MYO16: variants seen among roughly 807,000 people sequenced by gnomAD.
MYO16 encodes myosin XVI.
Under a neutral mutation model 205.3 loss-of-function variants are expected in MYO16, and 94 were observed. That is an observed-to-expected ratio of 0.46 (90% confidence interval 0.39 to 0.54). MYO16 has a LOEUF of 0.54. Ranked by LOEUF, MYO16 falls within the 20% of genes least tolerant of loss-of-function variation. The pLI is 0.00. For missense variants in MYO16, 2,315 were observed against 2,387.5 expected (o/e 0.97, Z 0.63); for synonymous variants, 988 against 954.0 (o/e 1.04, Z -0.66).
chr13:108,570,877 G>A, the MYO16 span, among the ~76,000 whole-genome samples: 1 of 152,188 alleles, frequency 6.6e-6, no homozygotes, highest in African/African-American at 2.4e-5. Context: ...ATTAATGCTT[G>A]CCTTTGGGAT....
intron 32 of MYO16, among the ~76,000 whole-genome samples, chr13:109,154,000 A>C (rs1185667650): frequency 6.6e-6 from 1 of 152,228 alleles, no homozygotes; most frequent in Non-Finnish European, 1.5e-5. Flanking sequence ...GGGTCACGTG[A>C]GCACGTAAAG....
At chr13:108,957,409 A>C (rs896194729) in intron 16 of MYO16, among the ~76,000 whole-genome samples, 3 of 151,476 alleles carry the variant, frequency 2.0e-5, no homozygotes, top group Non-Finnish European at 4.4e-5. Context: ...AAACAAAAAC[A>C]TGAATCACTT....
intron 29 of MYO16, among the ~76,000 whole-genome samples, chr13:109,122,789 G>A (rs1876054740): frequency 6.6e-6 from 1 of 151,614 alleles, no homozygotes; most frequent in Non-Finnish European, 1.5e-5. Context: ...TTTAATTACA[G>A]GCTTGTAAAT....
chr13:108,997,693 G>T (rs1296567148), intron 21 of MYO16, among the ~76,000 whole-genome samples: 1 of 152,000 alleles, frequency 6.6e-6, no homozygotes, highest in East Asian at 1.9e-4. Context: ...ACAAAAATTA[G>T]CCAGCGTGGT....
At chr13:108,920,884 T>C (rs1202883126) in intron 16 of MYO16, among the ~76,000 whole-genome samples, 6 of 152,232 alleles carry the variant, frequency 3.9e-5, no homozygotes, top group African/African-American at 1.4e-4. Flanking sequence ...CTTGCTTGAC[T>C]TTGCCAGTGA....
intron 7 of MYO16, among the ~76,000 whole-genome samples, chr13:108,811,158 C>A (rs1887279399): frequency 6.6e-6 from 1 of 152,034 alleles, no homozygotes; most frequent in African/African-American, 2.4e-5. Flanking sequence ...TTTTGTTTCC[C>A]AAAGTATTTT....
chr13:108,751,715 T>C (rs1885244912), intron 4 of MYO16, among the ~76,000 whole-genome samples: 1 of 152,128 alleles, frequency 6.6e-6, no homozygotes, highest in African/African-American at 2.4e-5. Context: ...TGTGATGTCA[T>C]GGGAATGGCT....
chr13:108,695,325 T>C (rs1185377725), intron 2 of MYO16, among the ~76,000 whole-genome samples: 1 of 152,166 alleles, frequency 6.6e-6, no homozygotes, highest in Non-Finnish European at 1.5e-5. Flanking sequence ...GAAAATCTGT[T>C]GAACATTGAT....
intron 1 of MYO16, among the ~76,000 whole-genome samples, chr13:108,655,928 A>G (rs952681994): frequency 2.6e-5 from 4 of 152,156 alleles, no homozygotes; most frequent in African/African-American, 9.7e-5. Flanking sequence ...CTAGGAAGTA[A>G]CTAGCTTGCT....
chr13:108,569,544 G>A, the MYO16 span, among the ~76,000 whole-genome samples: 1 of 151,994 alleles, frequency 6.6e-6, no homozygotes, highest in Non-Finnish European at 1.5e-5. Flanking sequence ...TAGATTTATG[G>A]TGTATAAATT....
At chr13:108,725,298 C>T (rs902973674) in intron 3 of MYO16, among the ~76,000 whole-genome samples, 1 of 152,036 alleles carries the variant, frequency 6.6e-6, no homozygotes, top group Non-Finnish European at 1.5e-5. Flanking sequence ...TTTTTCTGTT[C>T]ATTGTGGATC....
chr13:108,987,390 A>G (rs1884677960), intron 20 of MYO16, among the ~76,000 whole-genome samples: 1 of 152,200 alleles, frequency 6.6e-6, no homozygotes, highest in Non-Finnish European at 1.5e-5. Context: ...CTTCCCCCCA[A>G]GTTTCTCTCA....
intron 29 of MYO16, among the ~76,000 whole-genome samples, chr13:109,122,390 C>T (rs1876031971): frequency 6.6e-6 from 1 of 152,192 alleles, no homozygotes; most frequent in East Asian, 1.9e-4. Context: ...TAAGAATGGT[C>T]TTAAAAGGTC....
In MYO16 at chr13:108,721,609, A is replaced by G. The variant is rs546454964; in HGVS notation, c.364-5831A>G. On this transcript the variant is annotated intron_variant, in intron 3 of 34. Transcript: ENST00000457511. ...CCCCAAGTCTTCCATGACAGAGAAG[A>G]GTGACCAGGTTGGGAGATGAGGTAG... Among the ~76,000 whole-genome samples the G allele has an allele frequency of 2.6e-5, 4 of 152,348 alleles. No homozygotes were observed. The South Asian group carries it at 6.2e-4, about 24-fold the overall frequency.
At chr13:108,918,295 A>G (rs183316232) in intron 16 of MYO16, among the ~76,000 whole-genome samples, 2 of 152,372 alleles carry the variant, frequency 1.3e-5, no homozygotes, top group Non-Finnish European at 1.5e-5. Flanking sequence ...GTATTCACAT[A>G]ATAAACACAT....
chr13:108,680,248 G>A (rs1046931043), intron 2 of MYO16, among the ~76,000 whole-genome samples: 6 of 152,166 alleles, frequency 3.9e-5, no homozygotes, highest in Admixed American at 3.3e-4. Flanking sequence ...CCCAGTGCCT[G>A]GCAGAGTGTA....
At chr13:109,054,980 TC>T in intron 25 of MYO16, 65 bp from the exon 26 acceptor site, 1 of 1,015,522 alleles carries the variant, frequency 9.8e-7, no homozygotes, top group Non-Finnish European at 1.5e-6. Flanking sequence ...CTCCTTTTCC[TC>T]CTTCTTCCTT....
intron 9 of MYO16, among the ~76,000 whole-genome samples, chr13:108,837,878 A>G (rs1383263751): frequency 6.6e-6 from 1 of 152,060 alleles, no homozygotes; most frequent in Middle Eastern, 3.2e-3. Context: ...TTTTTTTTGT[A>G]CTTCATAAAC....
intron 4 of MYO16, among the ~76,000 whole-genome samples, chr13:108,740,257 C>A (rs1442975756): frequency 6.7e-6 from 1 of 150,030 alleles, no homozygotes; most frequent in African/African-American, 2.4e-5. Context: ...TTTTCCCCAT[C>A]TTTGTGTTTT....
Sources: gnomAD v4.1 joint callset for allele counts (sites outside exome capture counted in the v4.1 genomes callset) on GRCh38, gnomAD v4.1.1 for gene constraint, MANE v1.5 for transcripts, NCBI Gene and HGNC (gene_info 2026-07-23, HGNC 2026-07-21) for gene names.